Variants in RBFOX3 observed in about 807,000 individuals in gnomAD.
The protein encoded by RBFOX3 is RNA binding protein fox-1 homolog 3.
A neutral mutation model predicts 48.7 loss-of-function variants in RBFOX3; 17 were observed. The observed-to-expected ratio is 0.35, with a 90% CI of 0.24 to 0.52. The LOEUF is 0.52. RBFOX3 is among the 20% of genes least tolerant of loss of function. The probability of loss-of-function intolerance (pLI) is 0.94; values close to 1 mark genes in which losing one functional copy is unlikely to be tolerated. For missense variants in RBFOX3, 382 were observed against 497.5 expected, an observed-to-expected ratio of 0.77 and a Z score of 2.21; for synonymous variants, 212 against 209.5, an observed-to-expected ratio of 1.01 and a Z score of -0.10.
At chr17:79,092,845 C>A (rs1309935679) in intron 14 of RBFOX3, among the ~76,000 whole-genome samples, 2 of 152,168 alleles carry the variant, frequency 1.3e-5, no homozygotes, top group African/African-American at 4.8e-5. Context: ...TGGTCTTGGG[C>A]CAGTGTGGGG....
intron 1 of RBFOX3, among the ~76,000 whole-genome samples, chr17:79,500,721 G>A (rs2082274418): frequency 1.3e-5 from 2 of 152,082 alleles, no homozygotes; most frequent in South Asian, 4.1e-4. Context: ...ACCAGAAAAG[G>A]AAAGACTTCT....
chr17:79,282,275 G>C (rs932198340), intron 3 of RBFOX3, among the ~76,000 whole-genome samples: 3 of 152,226 alleles, frequency 2.0e-5, no homozygotes, highest in Non-Finnish European at 2.9e-5. Context: ...AGGGGTAACG[G>C]AAGGGGTGCA....
Position 79,311,635 on chromosome 17 carries a change from T to C in RBFOX3, c.-174-3811A>G, listed in dbSNP as rs75961594. On this transcript the variant is annotated intron_variant, in intron 2 of 14. Coordinates refer to ENST00000693108, the MANE Select transcript of RBFOX3 (RefSeq NM_001350451.2). This position sits in a 1 kb window ranked among gnomAD's most constrained non-coding sequence, Gnocchi z 4.2. Reference sequence around the variant, plus strand: ...CTACCTACCTAGGTCCTGTTGACTTTGTTTACCTGGAGAACTCTGAGTCAG... The same window carrying C: ...CTACCTACCTAGGTCCTGTTGACTTCGTTTACCTGGAGAACTCTGAGTCAG... Among the ~76,000 whole-genome samples, 4,665 of 152,218 alleles carry C rather than the reference T, an allele frequency of 0.031. 190 individuals are homozygous for C. Among genetic ancestry groups the C allele is most frequent in the African/African-American group, 0.091 (3,766 of 41,498 alleles).
chr17:79,213,278 G>A (rs1160091269), intron 4 of RBFOX3, among the ~76,000 whole-genome samples: 1 of 152,162 alleles, frequency 6.6e-6, no homozygotes, highest in Admixed American at 6.5e-5. Flanking sequence ...TGGCTCCCTC[G>A]CCTCCCTGCC....
intron 2 of RBFOX3, among the ~76,000 whole-genome samples, chr17:79,354,749 C>T (rs1179289049): frequency 6.6e-6 from 1 of 152,240 alleles, no homozygotes; most frequent in Non-Finnish European, 1.5e-5. Flanking sequence ...GCACAGGGAC[C>T]TCACCTCCAA....
intron 4 of RBFOX3, among the ~76,000 whole-genome samples, chr17:79,190,424 A>AAAAACAC: frequency 9.1e-6 from 1 of 109,530 alleles, no homozygotes; most frequent in Non-Finnish European, 2.0e-5. Flanking sequence ...CAAAAAAAAA[A>AAAAACAC]AAAAAAACAA....
rs1412969928 is a variant in RBFOX3, at chr17:79,206,448, G to A, written c.-34+29318C>T. ...GAGTCTCCGGCAAGTCTCATTGAGA[G>A]ACACAGCACTGACTCCTCAAGATGG... On this transcript the variant is annotated intron_variant, in intron 4 of 14. Transcript: ENST00000693108. Among the ~76,000 whole-genome samples, 3 of 152,174 alleles carry A rather than the reference G, an allele frequency of 2.0e-5. No homozygotes were observed. In the East Asian group the frequency reaches 5.8e-4, roughly 29 times the overall value.
intron 1 of RBFOX3, among the ~76,000 whole-genome samples, chr17:79,500,726 A>C (rs1456250057): frequency 2.0e-5 from 3 of 152,174 alleles, no homozygotes; most frequent in Non-Finnish European, 2.9e-5. Context: ...AAAAGGAAAG[A>C]CTTCTGCAAG....
chr17:79,143,673 G>A (rs908375125), intron 4 of RBFOX3, among the ~76,000 whole-genome samples: 9 of 152,196 alleles, frequency 5.9e-5, no homozygotes, highest in Non-Finnish European at 1.3e-4. Flanking sequence ...CCTAGGGACA[G>A]GAACGGGGTA....
At chr17:79,442,737 G>T (rs568244356) in intron 2 of RBFOX3, among the ~76,000 whole-genome samples, 1 of 152,170 alleles carries the variant, frequency 6.6e-6, no homozygotes, top group South Asian at 2.1e-4. Context: ...AGAGGAAGCT[G>T]CAGGCAGAGC....
chr17:79,150,063 A>AGGGTGGGGGTGG (rs1555716803), intron 4 of RBFOX3, among the ~76,000 whole-genome samples: 1 of 12,022 alleles, frequency 8.3e-5, no homozygotes, highest in African/African-American at 4.4e-4. Context: ...ATGGGGGTTG[A>AGGGTGGGGGTGG]GGGTGGGGGT....
chr17:79,447,863 A>G (rs1188708320), intron 2 of RBFOX3, among the ~76,000 whole-genome samples: 3 of 152,140 alleles, frequency 2.0e-5, no homozygotes, highest in Non-Finnish European at 4.4e-5. Flanking sequence ...AATCCCTAAT[A>G]TTGGGGGAGG....
intron 4 of RBFOX3, among the ~76,000 whole-genome samples, chr17:79,170,120 A>AGGAAGGAAGGGAGG (rs2048876097): frequency 7.2e-6 from 1 of 139,682 alleles, no homozygotes; most frequent in African/African-American, 3.0e-5. Context: ...AGGAGGAAGG[A>AGGAAGGAAGGGAGG]AGGAAGGAAG....
rs562883060 is a variant in RBFOX3 at position 79,198,914 on chromosome 17, C to T, written c.-34+36852G>A. ...AAAGTGCTGGGATTACAGGTGTGAG[C>T]CACTGCACCTGGCCGAGCTTTTTGA... On this transcript the variant is annotated intron_variant, in intron 4 of 14. Coordinates refer to ENST00000693108, the MANE Select transcript of RBFOX3 (RefSeq NM_001350451.2). The surrounding 1 kb of genome is among the most constrained non-coding windows in gnomAD (Gnocchi z 8.2). 1.3e-5 allele frequency among the ~76,000 whole-genome samples: 2 copies of T among 152,202 alleles called. No individual in the cohort carries two copies. Among genetic ancestry groups the T allele is most frequent in the African/African-American group, 4.8e-5 (2 of 41,544 alleles).
chr17:79,113,066 C>A (rs2032603534), intron 5 of RBFOX3, among the ~76,000 whole-genome samples: 1 of 152,088 alleles, frequency 6.6e-6, no homozygotes, highest in Non-Finnish European at 1.5e-5. Context: ...CACTTCCTAT[C>A]CCGAAGATCT....
intron 4 of RBFOX3, among the ~76,000 whole-genome samples, chr17:79,116,700 T>G (rs1354563769): frequency 6.6e-6 from 1 of 152,210 alleles, no homozygotes; most frequent in African/African-American, 2.4e-5. Flanking sequence ...CCAGCCTCTG[T>G]GTCAAGGATC....
intron 2 of RBFOX3, among the ~76,000 whole-genome samples, chr17:79,464,147 G>A (rs2076004468): frequency 6.6e-6 from 1 of 152,260 alleles, no homozygotes; most frequent in South Asian, 2.1e-4. Context: ...GGAAGACGCA[G>A]GAGTGCACCA....
the RBFOX3 span, among the ~76,000 whole-genome samples, chr17:79,653,052 AG>A: frequency 2.0e-5 from 3 of 152,208 alleles, no homozygotes; most frequent in Non-Finnish European, 4.4e-5. Context: ...TCGAAATTCT[AG>A]GTAAAAATAA....
intron 2 of RBFOX3, among the ~76,000 whole-genome samples, chr17:79,451,300 C>A (rs1219884506): frequency 8.5e-5 from 13 of 152,196 alleles, no homozygotes; most frequent in Admixed American, 7.9e-4. Flanking sequence ...CAAGTGCAGT[C>A]AACCCTGAAC....
Sources: gnomAD v4.1 joint callset for allele counts (sites outside exome capture counted in the v4.1 genomes callset) on GRCh38, gnomAD v4.1.1 for gene constraint, Gnocchi (gnomAD v3.1) non-coding constraint, MANE v1.5 for transcripts, NCBI Gene and HGNC (gene_info 2026-07-23, HGNC 2026-07-21) for gene names.